The following FCRL3 variants were observed in gnomAD, a reference collection of about 807,000 sequenced individuals.
FCRL3 encodes the protein Fc receptor-like protein 3.
In FCRL3, 89 loss-of-function variants were observed where a neutral mutation model predicts 75.0. That is an observed-to-expected ratio of 1.19 (90% CI 1.00 to 1.42). The LOEUF (loss-of-function observed/expected upper bound fraction) is 1.42. Ranked by LOEUF, FCRL3 falls within the 40% of genes most tolerant of loss-of-function variation. The probability of loss-of-function intolerance (pLI) is 0.00; values close to 1 mark genes in which losing one functional copy is unlikely to be tolerated. For synonymous variants in FCRL3, 376 were observed against 348.5 expected (o/e 1.08, Z -0.88); for missense variants, 946 against 880.0 (o/e 1.07, Z -0.95).
chr1:157,693,631 G>A (rs1280930897), intron 8 of FCRL3, among the ~76,000 whole-genome samples: 1 of 152,122 alleles, frequency 6.6e-6, no homozygotes, highest in Non-Finnish European at 1.5e-5. Context: ...AATAATTTTA[G>A]TCAAATATTC....
chr1:157,700,152 ATTAT>A (rs1417452643), intron 2 of FCRL3, among the ~76,000 whole-genome samples: 1 of 152,158 alleles, frequency 6.6e-6, no homozygotes, highest in Admixed American at 6.5e-5. Flanking sequence ...CATCTGAAAA[ATTAT>A]TTAGTCTGAG....
chr1:157,677,043 A>T lies in FCRL3; in HGVS notation c.*1667T>A, dbSNP rs1165537296. 2 of 1,222,864 alleles carry T rather than the reference A, an allele frequency of 1.6e-6. No individual in the cohort carries two copies. Among genetic ancestry groups the T allele is most frequent in the Admixed American group, 6.9e-5 (2 of 28,942 alleles). 75.8% of individuals were successfully genotyped at this position (1,222,864 alleles called of 1,614,324 possible). A position where few individuals can be genotyped will look rare whatever the true frequency, so the allele number is the denominator to read the frequency against. On this transcript the variant is annotated 3_prime_UTR_variant, in exon 15 of 15. Coordinates refer to ENST00000368184, the MANE Select transcript of FCRL3 (RefSeq NM_052939.4). Reference sequence around the variant, plus strand: ...AATTTTAATGCCAATATGAACATGAACTGGCAGAGATCAGCATCTCAGTAC... The same window carrying T: ...AATTTTAATGCCAATATGAACATGATCTGGCAGAGATCAGCATCTCAGTAC...
rs1250015649 is a variant in FCRL3, at chr1:157,697,733, T to C, written c.485A>G (p.His162Arg). ...GTAAAACTTCCTATAAGCAGTACAA[T>C]GATATTTGCTATTATCCCTGGAGAC... Reference protein sequence around the residue: ...NSVSRDNSKYHCTAYRKFYIL... With the variant: ...NSVSRDNSKYRCTAYRKFYIL... The change falls in exon 5 of 15, where the codon CAT becomes CGT. Residue 162 changes from histidine to arginine, a missense_variant. Transcript: ENST00000368184. The C allele has an allele frequency of 1.9e-6, 3 of 1,610,950 alleles. No homozygotes were observed. The highest frequency in any genetic ancestry group is 2.2e-5 in the East Asian group (1 of 44,854).
chr1:157,690,654 GGGC>G, intron 8 of FCRL3, 121 bp from the exon 9 acceptor site: 1 of 1,257,572 alleles, frequency 8.0e-7, no homozygotes, highest in Non-Finnish European at 1.1e-6. Flanking sequence ...TGGAGAACCT[GGGC>G]TTCAATCCTG....
At position 157,678,375 on chromosome 1, in the gene FCRL3, G is replaced by A. The variant is rs1654595213; in HGVS notation, c.*335C>T. On this transcript the variant is annotated 3_prime_UTR_variant, in exon 15 of 15. Transcript: ENST00000368184. ...CATTAACAGCTTTCGATCACACTTGGATCAAATGGTCATGATTGTGCCCTT... is the reference window on the plus strand; with the variant it reads ...CATTAACAGCTTTCGATCACACTTGAATCAAATGGTCATGATTGTGCCCTT... The A allele has an allele frequency of 8.8e-7, 1 of 1,135,928 alleles. No individual in the cohort carries two copies. The allele number at this position is 1,135,928 out of a possible 1,614,324, so 70.4% of individuals were successfully genotyped here.
intron 10 of FCRL3, among the ~76,000 whole-genome samples, chr1:157,684,322 T>C (rs1046021906): frequency 1.3e-5 from 2 of 152,158 alleles, no homozygotes; most frequent in South Asian, 4.1e-4. Flanking sequence ...AGAATGCAAG[T>C]CGTTGCTCAA....
intron 8 of FCRL3, among the ~76,000 whole-genome samples, chr1:157,694,444 A>G (rs1206004325): frequency 1.3e-5 from 2 of 152,220 alleles, no homozygotes; most frequent in African/African-American, 4.8e-5. Flanking sequence ...TAAGTGTTCT[A>G]ATAGTCTGGA....
At chr1:157,693,726 T>C (rs372436881) in intron 8 of FCRL3, among the ~76,000 whole-genome samples, 1 of 149,550 alleles carries the variant, frequency 6.7e-6, no homozygotes, top group African/African-American at 2.5e-5. Context: ...CTTCCTTCCT[T>C]TCTCTCTCTC....
chr1:157,679,852 A>AAAAAAAAAAAAAAAAAAAAAAAC (rs1654724753), intron 13 of FCRL3, among the ~76,000 whole-genome samples: 1 of 149,774 alleles, frequency 6.7e-6, no homozygotes, highest in Non-Finnish European at 1.5e-5. Flanking sequence ...AAAAAAAAAA[A>AAAAAAAAAAAAAAAAAAAAAAAC]AAAAAAAATG....
chr1:157,690,476 C>A lies in FCRL3; in HGVS notation c.1469G>T (p.Gly490Val), dbSNP rs1655450844. 6.2e-7 allele frequency: 1 copy of A among 1,614,126 alleles called. No homozygotes were observed. The highest frequency in any genetic ancestry group is 1.7e-5 in the Admixed American group (1 of 60,010). The change falls in exon 9 of 15, where the codon GGG (glycine) becomes GTG (valine). Residue 490 changes from glycine to valine, a missense_variant. Transcript: ENST00000368184. ...CTCACAGTGAAGCTCCAGCAGGTCC[C>A]CCACCACAGCCTGGGCCCCGGGAGC... ...LRAPGAQAVV[G>V]DLLELHCESL...
rs142600487 is a variant in FCRL3, at chr1:157,678,840, T to C, written c.2075A>G (p.Tyr692Cys). The change falls in exon 15 of 15, where the codon TAT becomes TGT. Residue 692 changes from tyrosine (Y) to cysteine (C), a missense_variant. Coordinates refer to ENST00000368184, the MANE Select transcript of FCRL3 (RefSeq NM_052939.4). ...TGGGTGTGTCTTCTTCAGTTCTGAA[T>C]AGAGGACTGTAAGTTCCTGGTAGAA... ...HQEHEELTVL[Y>C]SELKKTHPDD... 1.1e-5 allele frequency: 17 copies of C among 1,613,922 alleles called. No individual in the cohort carries two copies. The highest frequency in any genetic ancestry group is 5.3e-5 in the African/African-American group (4 of 74,954).
At chr1:157,697,060 C>T in intron 6 of FCRL3, 80 bp downstream of exon 6, 1 of 1,287,320 alleles carries the variant, frequency 7.8e-7, no homozygotes, top group Non-Finnish European at 1.0e-6. Flanking sequence ...TTATGTCCAC[C>T]ATCCTAGGGG....
chr1:157,692,412 G>A, intron 8 of FCRL3, among the ~76,000 whole-genome samples: 1 of 151,982 alleles, frequency 6.6e-6, no homozygotes, highest in East Asian at 1.9e-4. Context: ...CTATTCTTTT[G>A]TATTTTTAGT....
At position 157,681,101 on chromosome 1, in the gene FCRL3, T is replaced by TGTGACA; in HGVS notation, c.1839-8_1839-3dup. The TGTGACA allele has an allele frequency of 1.9e-6, 3 of 1,546,530 alleles. No homozygotes were observed. Among genetic ancestry groups the TGTGACA allele is most frequent in the Non-Finnish European group, 2.6e-6 (3 of 1,152,706 alleles). On this transcript the variant is annotated splice_region_variant and splice_polypyrimidine_tract_variant and intron_variant, in intron 11 of 14. Transcript: ENST00000368184. ...TCCTGACACTCACTAGGACTGTGAC[T>TGTGACA]GTGACAGAGGGGGAGAGAATGGATT...
intron 10 of FCRL3, among the ~76,000 whole-genome samples, chr1:157,683,715 CT>C (rs1324543227): frequency 1.3e-5 from 2 of 152,130 alleles, no homozygotes; most frequent in African/African-American, 4.8e-5. Context: ...ACTGTGACCC[CT>C]CACCCCTGCA....
rs1654564786 is a variant in FCRL3 at position 157,677,944 on chromosome 1, G to T, written c.*766C>A. On this transcript the variant is annotated 3_prime_UTR_variant, in exon 15 of 15. Transcript: ENST00000368184. ...AGATATAGTAGGTTATTGTCTCGGG[G>T]TTAATGGGTGCTTATAAGAATAAAA... The T allele has an allele frequency of 2.0e-6, 2 of 984,580 alleles. No individual in the cohort carries two copies. Among genetic ancestry groups the T allele is most frequent in the Admixed American group, 1.2e-4 (2 of 16,252 alleles). 61.0% of individuals were successfully genotyped at this position (984,580 alleles called of 1,614,324 possible). A position where few individuals can be genotyped will look rare whatever the true frequency, so the allele number is the denominator to read the frequency against.
chr1:157,688,311 A>G (rs1259727564), intron 10 of FCRL3, among the ~76,000 whole-genome samples: 1 of 152,160 alleles, frequency 6.6e-6, no homozygotes, highest in Non-Finnish European at 1.5e-5. Flanking sequence ...AGACTGTTTC[A>G]CAGTAAGTGA....
intron 10 of FCRL3, among the ~76,000 whole-genome samples, chr1:157,685,723 T>C (rs528665903): frequency 2.0e-5 from 3 of 152,192 alleles, no homozygotes; most frequent in African/African-American, 7.2e-5. Flanking sequence ...TATCAATAAA[T>C]TTTTTTAAAA....
rs1422811369 is a variant in FCRL3, at chr1:157,695,365, C to G, written c.1375G>C (p.Ala459Pro). ...YSCDADNGLG[A>P]QHSHGVSLRV... Reference sequence around the variant, plus strand: ...AGACTCACTCCATGACTGTGCTGGGCCCCCAGGCCATTGTCTGCATCACAG... The same window carrying G: ...AGACTCACTCCATGACTGTGCTGGGGCCCCAGGCCATTGTCTGCATCACAG... The change falls in exon 8 of 15, where the codon GCC (alanine) becomes CCC (proline). Residue 459 changes from alanine (A) to proline (P), a missense_variant. By Grantham distance (27) the Ala-to-Pro change is conservative. Transcript: ENST00000368184. The G allele has an allele frequency of 6.2e-7, 1 of 1,614,098 alleles. No homozygotes were observed.
Sources: allele counts gnomAD v4.1 joint callset (sites outside exome capture counted in the v4.1 genomes callset), GRCh38; gene constraint gnomAD v4.1.1; transcripts MANE v1.5; gene names NCBI Gene and HGNC (gene_info 2026-07-23, HGNC 2026-07-21).